The following ZFPM1 variants were observed in gnomAD, a reference collection of about 807,000 sequenced individuals.
The protein encoded by ZFPM1 is zinc finger protein, FOG family member 1.
In ZFPM1, 28 loss-of-function variants were observed where a neutral mutation model predicts 46.3. The ratio of observed to expected loss-of-function variants is 0.60; its 90% CI spans 0.45 to 0.83. The LOEUF (loss-of-function observed/expected upper bound fraction) is 0.83. ZFPM1 is among the 40% of genes least tolerant of loss of function. ZFPM1 has a pLI of 0.00. For missense variants in ZFPM1, 1,878 were observed against 1,432.4 expected, an observed-to-expected ratio of 1.31 and a Z score of -5.02; for synonymous variants, 957 against 675.9, an observed-to-expected ratio of 1.42 and a Z score of -6.45.
At chr16:88,494,885 G>T (rs1331993746) in intron 3 of ZFPM1, among the ~76,000 whole-genome samples, 2 of 152,198 alleles carry the variant, frequency 1.3e-5, no homozygotes, top group African/African-American at 2.4e-5. Context: ...GGAGCCACCA[G>T]CCCGGATGCG....
intron 1 of ZFPM1, among the ~76,000 whole-genome samples, chr16:88,455,858 G>T (rs888628046): frequency 2.0e-5 from 3 of 152,232 alleles, no homozygotes; most frequent in Non-Finnish European, 4.4e-5. Context: ...CCGACGGGGA[G>T]CGCGGGGCCG....
At chr16:88,456,469 C>T (rs890406946) in intron 1 of ZFPM1, among the ~76,000 whole-genome samples, 1 of 152,020 alleles carries the variant, frequency 6.6e-6, no homozygotes, top group African/African-American at 2.4e-5. Context: ...GGTGTGGAGG[C>T]GCTGCAGACC....
intron 3 of ZFPM1, among the ~76,000 whole-genome samples, chr16:88,498,104 G>A (rs939334809): frequency 2.6e-5 from 4 of 152,158 alleles, no homozygotes; most frequent in Non-Finnish European, 4.4e-5. Context: ...GCAGGGGTCA[G>A]CCTGGGGTCA....
At chr16:88,462,393 C>T (rs544138326) in intron 1 of ZFPM1, among the ~76,000 whole-genome samples, 6 of 152,366 alleles carry the variant, frequency 3.9e-5, no homozygotes, top group African/African-American at 1.4e-4. Context: ...CCAGACACCA[C>T]TTAGCTTTGG....
chr16:88,466,987 C>G (rs1172150072), intron 1 of ZFPM1, among the ~76,000 whole-genome samples: 1 of 151,990 alleles, frequency 6.6e-6, no homozygotes, highest in African/African-American at 2.4e-5. Context: ...TGGGGGGACA[C>G]GAGCCGGGGC....
intron 3 of ZFPM1, among the ~76,000 whole-genome samples, chr16:88,495,651 G>A (rs35133129): frequency 0.18 from 27,828 of 152,148 alleles, 2,846 homozygotes; most frequent in East Asian, 0.28. Context: ...GCCATGCTAG[G>A]CGGGGAGTGA....
chr16:88,527,066 G>A (rs1912394803), intron 5 of ZFPM1, 150 bp downstream of exon 5: 2 of 1,298,962 alleles, frequency 1.5e-6, no homozygotes, highest in South Asian at 3.1e-5. Context: ...GCAGCATGAG[G>A]CAGACACTCT....
intron 1 of ZFPM1, among the ~76,000 whole-genome samples, chr16:88,472,442 C>T (rs1479921040): frequency 6.6e-6 from 1 of 151,426 alleles, no homozygotes; most frequent in Non-Finnish European, 1.5e-5. Flanking sequence ...CAACATCTGC[C>T]TCCCGGATTC....
chr16:88,486,908 G>T (rs145183881), intron 2 of ZFPM1, among the ~76,000 whole-genome samples: 16 of 152,274 alleles, frequency 1.1e-4, no homozygotes, highest in Admixed American at 2.0e-4. Context: ...CCCATTCACA[G>T]ACCAGAGAAG....
Position 88,534,126 on chromosome 16 carries a change from C to A in ZFPM1, c.2168C>A (p.Pro723His), listed in dbSNP as rs1421926615. The A allele has an allele frequency of 4.9e-6, 5 of 1,019,966 alleles. No individual in the cohort carries two copies. Among genetic ancestry groups the A allele is most frequent in the African/African-American group, 3.5e-5 (2 of 56,970 alleles). 63.2% of individuals were successfully genotyped at this position (1,019,966 alleles called of 1,614,324 possible). The change falls in exon 10 of 10, where the codon CCC (proline) becomes CAC (histidine). Residue 723 changes from proline (P) to histidine (H), a missense_variant. Coordinates refer to ENST00000319555, the MANE Select transcript of ZFPM1 (RefSeq NM_153813.3). ...CGCCGACCGGCCGCGCCCCCGGGAC[C>A]CCCTGGGCCGGCCGCGCCCCCGGCC... ...PPRRPAAPPG[P>H]PGPAAPPAPS... is the part of the protein sequence containing the mutation.
At chr16:88,478,713 C>T (rs981937134) in intron 1 of ZFPM1, among the ~76,000 whole-genome samples, 4 of 152,194 alleles carry the variant, frequency 2.6e-5, no homozygotes, top group African/African-American at 9.7e-5. Context: ...AAAAAGCCTC[C>T]GCCAGAGGGA....
chr16:88,482,991 C>T (rs1193510571), intron 1 of ZFPM1, among the ~76,000 whole-genome samples: 8 of 152,166 alleles, frequency 5.3e-5, no homozygotes, highest in Non-Finnish European at 7.4e-5. Flanking sequence ...GGAGGGCACT[C>T]GGGTTGGGCC....
intron 1 of ZFPM1, among the ~76,000 whole-genome samples, chr16:88,473,962 A>C (rs1908546323): frequency 6.6e-6 from 1 of 151,988 alleles, no homozygotes; most frequent in African/African-American, 2.4e-5. Context: ...AATCTCATGT[A>C]ATCTATCAGT....
intron 4 of ZFPM1, among the ~76,000 whole-genome samples, chr16:88,517,208 GGATGGATGGATGGATGGA>G (rs1911366875): frequency 7.3e-6 from 1 of 136,554 alleles, no homozygotes. Flanking sequence ...ATGGATGGAT[GGATGGATGGATGGATGGA>G]TGGGTGGGTG....
rs1913041129 is a variant in ZFPM1 at position 88,534,006 on chromosome 16, C to T, written c.2048C>T (p.Thr683Met). 2 of 1,368,448 alleles carry T rather than the reference C, an allele frequency of 1.5e-6. No homozygotes were observed. Among genetic ancestry groups the T allele is most frequent in the African/African-American group, 1.5e-5 (1 of 64,570 alleles). The allele number at this position is 1,368,448 out of a possible 1,614,324, so 84.8% of individuals were successfully genotyped here. The change falls in exon 10 of 10, where the codon ACG becomes ATG. Residue 683 changes from threonine to methionine, a missense_variant. Transcript: ENST00000319555. ...VDDAEDDPSR[T>M]LCEACNIRFS... is the part of the protein sequence containing the mutation. The stretch of plus-strand genomic sequence containing the variant: ...GACGCGGAGGACGACCCCAGCCGCA[C>T]GCTGTGCGAGGCCTGCAACATCCGC...
intron 1 of ZFPM1, among the ~76,000 whole-genome samples, chr16:88,468,141 C>T (rs1908235730): frequency 6.8e-6 from 1 of 146,532 alleles, no homozygotes. Context: ...CGCGAGCCCA[C>T]TGCCCCTGAC....
rs1291628871 is a variant in ZFPM1 at position 88,497,834 on chromosome 16, T to G, written c.268+8681T>G. On this transcript the variant is annotated intron_variant, in intron 3 of 9. Coordinates refer to ENST00000319555, the MANE Select transcript of ZFPM1 (RefSeq NM_153813.3). This position sits in a 1 kb window ranked among gnomAD's most constrained non-coding sequence, Gnocchi z 5.4. ...GTGTGAGGGCGTCGGGCTGGTTATC[T>G]GGGCCGAGCTCCATCTGACTAATCT... Among the ~76,000 whole-genome samples the G allele has an allele frequency of 6.6e-6, 1 of 152,162 alleles. No individual in the cohort carries two copies. Among genetic ancestry groups the G allele is most frequent in the Non-Finnish European group, 1.5e-5 (1 of 68,026 alleles).
rs1259834180 is a variant in ZFPM1, at chr16:88,480,325, G to A, written c.41-5614G>A. Among the ~76,000 whole-genome samples, 1 of 152,166 alleles carries A rather than the reference G, an allele frequency of 6.6e-6. No homozygotes were observed. Reference sequence around the variant, plus strand: ...GCAGGATCTCTGGCACCTCGTGAGGGTGGGGCACGCCAAGGGCTCAGGAAG... The same window carrying A: ...GCAGGATCTCTGGCACCTCGTGAGGATGGGGCACGCCAAGGGCTCAGGAAG... On this transcript the variant is annotated intron_variant, in intron 1 of 9. Coordinates refer to ENST00000319555, the MANE Select transcript of ZFPM1 (RefSeq NM_153813.3). This position sits in a 1 kb window ranked among gnomAD's most constrained non-coding sequence, Gnocchi z 4.9.
Position 88,485,988 on chromosome 16 carries a change from C to T in ZFPM1, c.90C>T (p.Ala30=). 1 of 1,612,886 alleles carries T rather than the reference C, an allele frequency of 6.2e-7. No homozygotes were observed. Among genetic ancestry groups the T allele is most frequent in the South Asian group, 1.1e-5 (1 of 91,074 alleles). ...EAREEVQLVG[A]SHMEQKATAP... is the part of the protein sequence containing the mutation. Reference sequence around the variant, plus strand: ...GAGAGGAGGTGCAGTTGGTGGGTGCCAGCCACATGGAGCAAAAGGCCACGG... The same window carrying T: ...GAGAGGAGGTGCAGTTGGTGGGTGCTAGCCACATGGAGCAAAAGGCCACGG... The change falls in exon 2 of 10, where the codon GCC becomes GCT. Residue 30 remains alanine, a synonymous_variant. Coordinates refer to ENST00000319555, the MANE Select transcript of ZFPM1 (RefSeq NM_153813.3).
Sources: allele counts gnomAD v4.1 joint callset (sites outside exome capture counted in the v4.1 genomes callset), GRCh38; gene constraint gnomAD v4.1.1; non-coding constraint Gnocchi (gnomAD v3.1); transcripts MANE v1.5; gene names NCBI Gene and HGNC (gene_info 2026-07-23, HGNC 2026-07-21).